The following LRP1B variants were observed in gnomAD, a reference collection of about 807,000 sequenced individuals.
LRP1B encodes LDL receptor related protein 1B.
LRP1B carries 217 observed loss-of-function variants against 556.6 expected under a neutral mutation model. The ratio of observed to expected loss-of-function variants is 0.39; its 90% CI spans 0.35 to 0.44. LRP1B has a LOEUF of 0.44. Ranked by LOEUF, LRP1B falls within the 20% of genes least tolerant of loss-of-function variation. The pLI is 1.00. For missense variants in LRP1B, 5,053 were observed against 5,620.8 expected (o/e 0.90, Z 3.23); for synonymous variants, 2,047 against 1,865.8 (o/e 1.10, Z -2.50).
intron 2 of LRP1B, among the ~76,000 whole-genome samples, chr2:141,634,710 T>A (rs1689041780): frequency 6.6e-6 from 1 of 152,006 alleles, no homozygotes; most frequent in Non-Finnish European, 1.5e-5. Context: ...TAATATTTTT[T>A]ATATATTTGT....
At chr2:140,397,837 G>A (rs965367751) in intron 66 of LRP1B, among the ~76,000 whole-genome samples, 1 of 151,940 alleles carries the variant, frequency 6.6e-6, no homozygotes, top group Admixed American at 6.6e-5. Flanking sequence ...TCAAAAGATC[G>A]TTCTTTAGGG....
At chr2:140,443,045 C>CAAA (rs1488023733) in intron 65 of LRP1B, among the ~76,000 whole-genome samples, 1 of 152,026 alleles carries the variant, frequency 6.6e-6, no homozygotes, top group Non-Finnish European at 1.5e-5. Context: ...CAAAGTTTAT[C>CAAA]AAACTGTCTA....
intron 1 of LRP1B, among the ~76,000 whole-genome samples, chr2:142,012,887 C>A (rs1574592788): frequency 6.6e-6 from 1 of 152,106 alleles, no homozygotes; most frequent in Non-Finnish European, 1.5e-5. Context: ...TCTAATTCCT[C>A]TAGGCTTTAA....
intron 3 of LRP1B, among the ~76,000 whole-genome samples, chr2:141,436,697 T>C (rs1324828912): frequency 6.6e-6 from 1 of 152,180 alleles, no homozygotes; most frequent in African/African-American, 2.4e-5. Context: ...AAATTACTAG[T>C]AGATATTGTC....
At chr2:141,684,012 C>T (rs944373189) in intron 2 of LRP1B, among the ~76,000 whole-genome samples, 4 of 151,648 alleles carry the variant, frequency 2.6e-5, no homozygotes, top group Non-Finnish European at 5.9e-5. Context: ...ATTAGTTCAA[C>T]CATTGTGGAA....
rs1444531549 is a variant in LRP1B, at chr2:140,994,026, T to C, written c.2613A>G (p.Leu871=). The C allele has an allele frequency of 6.2e-7, 1 of 1,612,558 alleles. No individual in the cohort carries two copies. Among genetic ancestry groups the C allele is most frequent in the African/African-American group, 1.3e-5 (1 of 74,836 alleles). Residue 871 remains leucine, a synonymous_variant, in exon 16 of 91, where the codon CTA becomes CTG. Transcript: ENST00000389484. ...TTACTGAATCCTCATCGCTTCCGTC[T>C]AGGCAGTCATCGTCGCCATCACATT... ...RWKCDGDDDC[L]DGSDEDSVNC...
intron 1 of LRP1B, among the ~76,000 whole-genome samples, chr2:142,076,546 T>A (rs1574658272): frequency 6.6e-6 from 1 of 152,216 alleles, no homozygotes; most frequent in East Asian, 1.9e-4. Flanking sequence ...GTCGTTCAAG[T>A]GTACATTAAA....
intron 10 of LRP1B, 133 bp from the exon 11 acceptor site, chr2:141,049,355 C>G (rs571329217): frequency 3.0e-6 from 2 of 661,596 alleles, no homozygotes; most frequent in Non-Finnish European, 5.4e-6. Context: ...TAAAATATGC[C>G]AAATGTATCT....
At chr2:140,340,209 T>C (rs1326652932) in intron 77 of LRP1B, among the ~76,000 whole-genome samples, 2 of 151,490 alleles carry the variant, frequency 1.3e-5, no homozygotes, top group African/African-American at 4.8e-5. Context: ...TCACAGATGA[T>C]TATAAAACAC....
At chr2:140,325,657 A>C in intron 80 of LRP1B, 105 bp downstream of exon 80, 1 of 723,116 alleles carries the variant, frequency 1.4e-6, no homozygotes, top group East Asian at 2.8e-5. Context: ...GAAAGAATTT[A>C]AGAAAATCCA....
chr2:141,635,266 G>A lies in LRP1B; in HGVS notation c.206-154733C>T, dbSNP rs192486439. On this transcript the variant is annotated intron_variant, in intron 2 of 90. Coordinates refer to ENST00000389484, the MANE Select transcript of LRP1B (RefSeq NM_018557.3). The stretch of plus-strand genomic sequence containing the variant: ...CTCGAGGCTTTTAAAATATTATTTA[G>A]AGAAAACCATATTCTTCCAAATCAC... Among the ~76,000 whole-genome samples the A allele has an allele frequency of 5.6e-4, 85 of 152,180 alleles. No individual in the cohort carries two copies. The Middle Eastern group carries it at 0.017, about 30-fold the overall frequency.
intron 1 of LRP1B, among the ~76,000 whole-genome samples, chr2:142,055,073 C>T (rs114081717): frequency 2.0e-5 from 3 of 152,160 alleles, no homozygotes; most frequent in Non-Finnish European, 2.9e-5. Context: ...TTGCGTATGT[C>T]GGTAACCATT....
intron 1 of LRP1B, among the ~76,000 whole-genome samples, chr2:141,860,238 T>C (rs1170062730): frequency 6.6e-6 from 1 of 152,186 alleles, no homozygotes; most frequent in Non-Finnish European, 1.5e-5. Flanking sequence ...TACATTCTTG[T>C]AATTGTGCAC....
chr2:141,299,562 T>C (rs1686310003), intron 3 of LRP1B, among the ~76,000 whole-genome samples: 1 of 152,208 alleles, frequency 6.6e-6, no homozygotes, highest in Admixed American at 6.5e-5. Context: ...ATGAATTTAG[T>C]CAATTTAAAT....
chr2:140,816,811 T>A (rs922526008), intron 31 of LRP1B, among the ~76,000 whole-genome samples: 26 of 152,194 alleles, frequency 1.7e-4, no homozygotes, highest in African/African-American at 5.8e-4. Flanking sequence ...TATATAGAAG[T>A]ATAATACATA....
At chr2:141,775,757 ACT>A (rs1695046815) in intron 2 of LRP1B, among the ~76,000 whole-genome samples, 1 of 151,768 alleles carries the variant, frequency 6.6e-6, no homozygotes, top group Non-Finnish European at 1.5e-5. Context: ...TATTCTAAAA[ACT>A]CTTCTCTAAA....
intron 72 of LRP1B, among the ~76,000 whole-genome samples, chr2:140,362,023 T>C (rs536165533): frequency 6.6e-6 from 1 of 151,730 alleles, no homozygotes; most frequent in Non-Finnish European, 1.5e-5. Context: ...CTGTCTCTCA[T>C]TCACCATATC....
Position 141,383,691 on chromosome 2 carries a change from A to C in LRP1B, c.343+96705T>G, listed in dbSNP as rs139066579. Among the ~76,000 whole-genome samples, 459 of 152,318 alleles carry C rather than the reference A, an allele frequency of 3.0e-3. 2 individuals carry two copies. The highest frequency in any genetic ancestry group is 0.01 in the African/African-American group (426 of 41,576). ...ATTCAGGCTTTAAAAGGCAGGAAACACTTCCATTTGCAATAACATAGATGA... is the reference window on the plus strand; with the variant it reads ...ATTCAGGCTTTAAAAGGCAGGAAACCCTTCCATTTGCAATAACATAGATGA... On this transcript the variant is annotated intron_variant, in intron 3 of 90. Coordinates refer to ENST00000389484, the MANE Select transcript of LRP1B (RefSeq NM_018557.3).
rs185830347 is a variant in LRP1B at position 140,517,545 on chromosome 2, C to T, written c.8027-534G>A. Among the ~76,000 whole-genome samples, 20 of 151,790 alleles carry T rather than the reference C, an allele frequency of 1.3e-4. No homozygotes were observed. In the East Asian group the frequency reaches 1.6e-3, roughly 12 times the overall value. On this transcript the variant is annotated intron_variant, in intron 49 of 90. Coordinates refer to ENST00000389484, the MANE Select transcript of LRP1B (RefSeq NM_018557.3). Reference sequence around the variant, plus strand: ...ATTCTGTATTTTAAGGAAGAATAAACGAGTTACACTGGCAAATCTGAAATT... The same window carrying T: ...ATTCTGTATTTTAAGGAAGAATAAATGAGTTACACTGGCAAATCTGAAATT...
Sources: allele counts gnomAD v4.1 joint callset (sites outside exome capture counted in the v4.1 genomes callset), GRCh38; gene constraint gnomAD v4.1.1; transcripts MANE v1.5; gene names NCBI Gene and HGNC (gene_info 2026-07-23, HGNC 2026-07-21).